CDKAL1: variants seen among roughly 807,000 people sequenced by gnomAD.
The protein encoded by CDKAL1 is threonylcarbamoyladenosine tRNA methylthiotransferase.
A neutral mutation model predicts 68.2 loss-of-function variants in CDKAL1; 32 were observed. The ratio of observed to expected loss-of-function variants is 0.47; its 90% CI spans 0.35 to 0.63. The LOEUF (loss-of-function observed/expected upper bound fraction) is 0.63. Among genes scored for constraint, CDKAL1 ranks in the 30% least tolerant of loss-of-function variants. CDKAL1 has a pLI of 0.00. For synonymous variants in CDKAL1, 234 were observed against 244.3 expected (o/e 0.96, Z 0.39); for missense variants, 606 against 696.7 (o/e 0.87, Z 1.47).
intron 6 of CDKAL1, among the ~76,000 whole-genome samples, chr6:20,756,447 C>G (rs1372106899): frequency 6.6e-6 from 1 of 152,180 alleles, no homozygotes; most frequent in Non-Finnish European, 1.5e-5. Context: ...ACTTATGTCT[C>G]TGTAGTATTT....
intron 15 of CDKAL1, among the ~76,000 whole-genome samples, chr6:21,202,764 T>C (rs1021748754): frequency 6.6e-6 from 1 of 152,222 alleles, no homozygotes; most frequent in Non-Finnish European, 1.5e-5. Flanking sequence ...TATTCGTTCC[T>C]TAACTATAGT....
intron 6 of CDKAL1, among the ~76,000 whole-genome samples, chr6:20,749,070 G>C (rs1178233215): frequency 6.6e-6 from 1 of 152,056 alleles, no homozygotes; most frequent in South Asian, 2.1e-4. Context: ...ATAAAATCAA[G>C]AGATAGTAAA....
At chr6:20,896,713 A>G (rs1253293992) in intron 9 of CDKAL1, among the ~76,000 whole-genome samples, 2 of 152,074 alleles carry the variant, frequency 1.3e-5, no homozygotes, top group Admixed American at 1.3e-4. Flanking sequence ...CCAGTTTAGG[A>G]TTCTGTGTAC....
chr6:20,676,038 G>A (rs944634929), intron 5 of CDKAL1, among the ~76,000 whole-genome samples: 15 of 151,810 alleles, frequency 9.9e-5, no homozygotes, highest in African/African-American at 2.4e-4. Flanking sequence ...TAAATTAAAC[G>A]TTTTTTAAAT....
At chr6:21,173,968 G>C (rs897898539) in intron 13 of CDKAL1, among the ~76,000 whole-genome samples, 7 of 152,100 alleles carry the variant, frequency 4.6e-5, no homozygotes, top group Non-Finnish European at 1.0e-4. Context: ...GCTACGGAAG[G>C]CTGAGGCAGG....
At chr6:20,554,934 G>A (rs886512591) in intron 4 of CDKAL1, among the ~76,000 whole-genome samples, 4 of 152,210 alleles carry the variant, frequency 2.6e-5, no homozygotes, top group Admixed American at 1.3e-4. Flanking sequence ...TTATGTGTAC[G>A]AAATATTTGT....
intron 10 of CDKAL1, among the ~76,000 whole-genome samples, chr6:20,986,720 T>G (rs1172891239): frequency 6.6e-6 from 1 of 152,130 alleles, no homozygotes; most frequent in African/African-American, 2.4e-5. Flanking sequence ...AATATACTTT[T>G]AAAGATATAT....
intron 13 of CDKAL1, among the ~76,000 whole-genome samples, chr6:21,173,152 C>T (rs534021939): frequency 6.6e-6 from 1 of 151,912 alleles, no homozygotes; most frequent in Admixed American, 6.5e-5. Context: ...GCATCCCCCC[C>T]ACACACCCAA....
chr6:20,653,946 C>T lies in CDKAL1; in HGVS notation c.371+4569C>T, dbSNP rs565248007. Reference sequence around the variant, plus strand: ...ATTTTTAGTAGAGATGCGGTTTCACCGTGTTGGCCAGGCTGGTCTTGAACT... The same window carrying T: ...ATTTTTAGTAGAGATGCGGTTTCACTGTGTTGGCCAGGCTGGTCTTGAACT... On this transcript the variant is annotated intron_variant, in intron 5 of 15. Coordinates refer to ENST00000274695, the MANE Select transcript of CDKAL1 (RefSeq NM_017774.3). Among the ~76,000 whole-genome samples the T allele has an allele frequency of 7.2e-5, 11 of 151,794 alleles. No individual in the cohort carries two copies. In the South Asian group the frequency reaches 1.7e-3, roughly 23 times the overall value.
At chr6:20,811,966 C>T (rs1308029725) in intron 8 of CDKAL1, among the ~76,000 whole-genome samples, 2 of 152,058 alleles carry the variant, frequency 1.3e-5, no homozygotes, top group Non-Finnish European at 2.9e-5. Context: ...CCTGGTCATA[C>T]GTAATCAGGG....
intron 5 of CDKAL1, among the ~76,000 whole-genome samples, chr6:20,701,233 G>A (rs1313390560): frequency 2.0e-5 from 3 of 151,016 alleles, no homozygotes; most frequent in Non-Finnish European, 4.4e-5. Flanking sequence ...TGACTTATGG[G>A]CTCAATCTCA....
intron 9 of CDKAL1, among the ~76,000 whole-genome samples, chr6:20,901,284 ATAACATATAT>A (rs1166792606): frequency 3.3e-5 from 5 of 152,146 alleles, no homozygotes; most frequent in African/African-American, 1.2e-4. Context: ...TTATTCAACT[ATAACATATAT>A]ACAAGAAAAT....
chr6:21,202,988 G>A (rs1488378288), intron 15 of CDKAL1, among the ~76,000 whole-genome samples: 1 of 152,078 alleles, frequency 6.6e-6, no homozygotes, highest in Non-Finnish European at 1.5e-5. Context: ...TGAGGCCAGT[G>A]GGGTAGGAAT....
rs70990099 is a variant in CDKAL1, at chr6:21,091,857, C to CTTTTTTTT, written c.1237-16504_1237-16497dup. ...AATGCAGCAACAGGCTCAGAACTTTCTTTTTTTTTTTTTTTTTTTTTTTTT... is the reference window on the plus strand; with the variant it reads ...AATGCAGCAACAGGCTCAGAACTTTCTTTTTTTTTTTTTTTTTTTTTTTTTTTTTTTTT... On this transcript the variant is annotated intron_variant, in intron 12 of 15. Coordinates refer to ENST00000274695, the MANE Select transcript of CDKAL1 (RefSeq NM_017774.3). 1.9e-3 allele frequency among the ~76,000 whole-genome samples: 133 copies of CTTTTTTTT among 70,578 alleles called. 19 individuals are homozygous for CTTTTTTTT. The highest frequency in any genetic ancestry group is 3.0e-3 in the Non-Finnish European group (116 of 38,608). The allele number at this position is 70,578 out of a possible 152,430, so 46.3% of individuals were successfully genotyped here. A position where few individuals can be genotyped will look rare whatever the true frequency, so the allele number is the denominator to read the frequency against.
Position 21,230,885 on chromosome 6 carries a change from G to A in CDKAL1, c.1586G>A (p.Gly529Glu). The A allele has an allele frequency of 6.2e-7, 1 of 1,612,110 alleles. No individual in the cohort carries two copies. The highest frequency in any genetic ancestry group is 8.5e-7 in the Non-Finnish European group (1 of 1,178,834). The change falls in exon 16 of 16, where the codon GGA (glycine) becomes GAA (glutamate). Residue 529 changes from glycine to glutamate, a missense_variant. Gly to Glu is a moderately conservative substitution (Grantham distance 98, BLOSUM62 -2). Coordinates refer to ENST00000274695, the MANE Select transcript of CDKAL1 (RefSeq NM_017774.3). ...RNGLGNQLSS[G>E]SHTSAASQCD... Reference sequence around the variant, plus strand: ...GGGCTTGGGAACCAGCTGAGTTCAGGATCCCACACCTCTGCTGCATCTCAG... The same window carrying A: ...GGGCTTGGGAACCAGCTGAGTTCAGAATCCCACACCTCTGCTGCATCTCAG...
intron 9 of CDKAL1, among the ~76,000 whole-genome samples, chr6:20,870,838 A>C (rs1367543117): frequency 6.6e-6 from 1 of 152,228 alleles, no homozygotes; most frequent in Non-Finnish European, 1.5e-5. Context: ...AGAAATCATC[A>C]TAATGATTGA....
In CDKAL1 at chr6:20,949,772, CA is replaced by C. The variant is rs561845573; in HGVS notation, c.743-5646del. ...AGGAGAAGAGCATGTAAATTATTCT[CA>C]GTGGTCGCGAAAGTTTTCTGAAGAA... On this transcript the variant is annotated intron_variant, in intron 9 of 15. Coordinates refer to ENST00000274695, the MANE Select transcript of CDKAL1 (RefSeq NM_017774.3). 5.3e-5 allele frequency among the ~76,000 whole-genome samples: 8 copies of C among 152,124 alleles called. 1 individual carries two copies. The South Asian group carries it at 1.7e-3, about 32-fold the overall frequency.
intron 13 of CDKAL1, among the ~76,000 whole-genome samples, chr6:21,165,131 T>C (rs1777100336): frequency 6.6e-6 from 1 of 152,242 alleles, no homozygotes; most frequent in African/African-American, 2.4e-5. Context: ...GCAACAAAGA[T>C]GACCTCTTCA....
intron 15 of CDKAL1, among the ~76,000 whole-genome samples, chr6:21,202,232 G>A (rs1481283834): frequency 6.6e-6 from 1 of 152,184 alleles, no homozygotes; most frequent in Non-Finnish European, 1.5e-5. Flanking sequence ...TAATTCACAT[G>A]TGCTTCACAA....
Sources: gnomAD v4.1 joint callset for allele counts (sites outside exome capture counted in the v4.1 genomes callset) on GRCh38, gnomAD v4.1.1 for gene constraint, MANE v1.5 for transcripts, NCBI Gene and HGNC (gene_info 2026-07-23, HGNC 2026-07-21) for gene names.